WDR45B: variants seen among roughly 807,000 people sequenced by gnomAD.
WDR45B encodes WD repeat domain phosphoinositide-interacting protein 3.
Under a neutral mutation model 44.6 loss-of-function variants are expected in WDR45B, and 20 were observed. That is an observed-to-expected ratio of 0.45 (90% CI 0.32 to 0.65). The LOEUF (loss-of-function observed/expected upper bound fraction) is 0.65, where lower values mean the gene tolerates loss of function less well. WDR45B is among the 30% of genes least tolerant of loss of function. WDR45B has a pLI of 0.05. For missense variants in WDR45B, 323 were observed against 430.2 expected, an observed-to-expected ratio of 0.75 and a Z score of 2.20; for synonymous variants, 169 against 164.9, an observed-to-expected ratio of 1.02 and a Z score of -0.19.
At chr17:82,623,369 A>G (rs2045644921) in intron 5 of WDR45B, among the ~76,000 whole-genome samples, 2 of 145,420 alleles carry the variant, frequency 1.4e-5, no homozygotes, top group East Asian at 4.0e-4. Flanking sequence ...CCTGGGCAAC[A>G]GAGCGAGACT....
intron 6 of WDR45B, among the ~76,000 whole-genome samples, chr17:82,620,012 G>T (rs1303606328): frequency 6.6e-6 from 1 of 152,222 alleles, no homozygotes; most frequent in South Asian, 2.1e-4. Flanking sequence ...AAGTTGCAGG[G>T]AGTGGGGATG....
At chr17:82,621,475 G>T in intron 6 of WDR45B, 134 bp downstream of exon 6, 1 of 1,131,874 alleles carries the variant, frequency 8.8e-7, no homozygotes, top group Non-Finnish European at 1.3e-6. Flanking sequence ...TGACCAGCCA[G>T]GTCCACAGGC....
At chr17:82,643,549 G>C (rs12952644) in intron 2 of WDR45B, among the ~76,000 whole-genome samples, 31,258 of 152,086 alleles carry the variant, frequency 0.21, 3,549 homozygotes, top group South Asian at 0.32. Flanking sequence ...ATGGATGCAG[G>C]CTGAGGAAAT....
intron 2 of WDR45B, among the ~76,000 whole-genome samples, chr17:82,634,879 C>T (rs1215183440): frequency 6.6e-6 from 1 of 151,836 alleles, no homozygotes; most frequent in African/African-American, 2.4e-5. Flanking sequence ...AAGTTCTGAC[C>T]CAGGCTGCAA....
intron 2 of WDR45B, among the ~76,000 whole-genome samples, chr17:82,636,081 T>C (rs9913808): frequency 0.82 from 124,426 of 151,000 alleles, 51,648 homozygotes; most frequent in African/African-American, 0.91. Flanking sequence ...GAGTGAAACT[T>C]CGTCTCTCAA....
intron 1 of WDR45B, among the ~76,000 whole-genome samples, chr17:82,647,126 G>C (rs185372879): frequency 2.1e-4 from 32 of 152,296 alleles, no homozygotes; most frequent in Non-Finnish European, 4.0e-4. Flanking sequence ...CTACTCAGGA[G>C]CCTGAGGCAG....
intron 1 of WDR45B, among the ~76,000 whole-genome samples, chr17:82,647,021 C>T (rs1024604418): frequency 6.6e-6 from 1 of 152,084 alleles, no homozygotes. Flanking sequence ...CACCTGAGGT[C>T]AGATTGAGAC....
At chr17:82,643,469 G>T (rs2045941332) in intron 2 of WDR45B, among the ~76,000 whole-genome samples, 2 of 151,960 alleles carry the variant, frequency 1.3e-5, no homozygotes, top group African/African-American at 4.8e-5. Flanking sequence ...GCCCAAAGAG[G>T]CTGAGAAATT....
chr17:82,637,955 C>T (rs2045857252), intron 2 of WDR45B, among the ~76,000 whole-genome samples: 1 of 151,402 alleles, frequency 6.6e-6, no homozygotes, highest in African/African-American at 2.4e-5. Flanking sequence ...AGACAAATAA[C>T]TTGAAGTCAA....
chr17:82,624,429 G>A (rs543343846), intron 5 of WDR45B, among the ~76,000 whole-genome samples: 46 of 151,336 alleles, frequency 3.0e-4, no homozygotes, highest in Admixed American at 1.2e-3. Flanking sequence ...ATCCAGCTAA[G>A]TTTTGTATGT....
chr17:82,634,148 C>T (rs1336467259), intron 2 of WDR45B, among the ~76,000 whole-genome samples: 3 of 20,966 alleles, frequency 1.4e-4, no homozygotes, highest in African/African-American at 5.8e-4. Context: ...GAGACTCCAT[C>T]TCAAAAAAAA....
At chr17:82,625,109 G>A (rs2045678046) in intron 5 of WDR45B, among the ~76,000 whole-genome samples, 1 of 152,186 alleles carries the variant, frequency 6.6e-6, no homozygotes, top group African/African-American at 2.4e-5. Flanking sequence ...CCGAAGTGGT[G>A]AAAACATAGG....
chr17:82,646,841 C>A (rs1598283457), intron 1 of WDR45B, among the ~76,000 whole-genome samples: 1 of 152,180 alleles, frequency 6.6e-6, no homozygotes, highest in South Asian at 2.1e-4. Context: ...CCGGAGAAAC[C>A]CCAGCACACA....
rs561826637 is a variant in WDR45B, at chr17:82,616,768, AT to A, written c.807-124del. The A allele has an allele frequency of 6.1e-3, 7,549 of 1,236,470 alleles. 2 individuals are homozygous for A. Among genetic ancestry groups the A allele is most frequent in the Non-Finnish European group, 6.5e-3 (5,789 of 892,652 alleles). 76.6% of individuals were successfully genotyped at this position (1,236,470 alleles called of 1,614,324 possible). On this transcript the variant is annotated intron_variant, in intron 8 of 9. Transcript: ENST00000392325. ...CTTCATATGGTTTGAGCTTTAATGA[AT>A]TTTTTTTTTGCCATGCATGACAAAG... is the stretch of plus-strand genomic sequence containing the variant.
intron 1 of WDR45B, chr17:82,644,264 A>C: frequency 1.8e-6 from 1 of 548,986 alleles, no homozygotes; most frequent in Non-Finnish European, 3.3e-6. Context: ...CAACTTCCCC[A>C]CTGCAGGGGC....
intron 2 of WDR45B, among the ~76,000 whole-genome samples, chr17:82,632,518 CAG>C (rs1487232030): frequency 6.6e-6 from 1 of 152,074 alleles, no homozygotes; most frequent in Non-Finnish European, 1.5e-5. Flanking sequence ...CACAAATTTT[CAG>C]AGGTCTTCCA....
chr17:82,637,613 G>A (rs1328229673), intron 2 of WDR45B, among the ~76,000 whole-genome samples: 4 of 151,956 alleles, frequency 2.6e-5, no homozygotes, highest in African/African-American at 4.8e-5. Context: ...TGGGGTTCCC[G>A]TGACCCCTTC....
At chr17:82,640,591 T>C (rs936120572) in intron 2 of WDR45B, among the ~76,000 whole-genome samples, 1 of 152,130 alleles carries the variant, frequency 6.6e-6, no homozygotes, top group Admixed American at 6.6e-5. Context: ...CCTCGTGATC[T>C]GCCCACCTTG....
At chr17:82,626,557 A>AAAAAAAAAAAAC in intron 4 of WDR45B, among the ~76,000 whole-genome samples, 1 of 144,974 alleles carries the variant, frequency 6.9e-6, no homozygotes, top group Admixed American at 7.1e-5. Flanking sequence ...AAAAAAAAAA[A>AAAAAAAAAAAAC]AGGGCAGGGA....
Sources: allele counts gnomAD v4.1 joint callset (sites outside exome capture counted in the v4.1 genomes callset), GRCh38; gene constraint gnomAD v4.1.1; transcripts MANE v1.5; gene names NCBI Gene and HGNC (gene_info 2026-07-23, HGNC 2026-07-21).